The following TOX variants were observed in gnomAD, a reference collection of about 807,000 sequenced individuals.
The protein encoded by TOX is thymocyte selection-associated high mobility group box protein TOX.
A neutral mutation model predicts 53.7 loss-of-function variants in TOX; 11 were observed. The ratio of observed to expected loss-of-function variants is 0.20; its 90% CI spans 0.13 to 0.34. The LOEUF (loss-of-function observed/expected upper bound fraction) is 0.34, where lower values mean the gene tolerates loss of function less well. TOX is among the 10% of genes least tolerant of loss of function. The pLI is 1.00. For missense variants in TOX, 570 were observed against 664.6 expected, an observed-to-expected ratio of 0.86 and a Z score of 1.56; for synonymous variants, 225 against 245.3, an observed-to-expected ratio of 0.92 and a Z score of 0.77.
intron 6 of TOX, among the ~76,000 whole-genome samples, chr8:58,817,599 T>C (rs1585841371): frequency 1.3e-5 from 2 of 152,318 alleles, no homozygotes; most frequent in African/African-American, 4.8e-5. Context: ...AGATTATGTG[T>C]TAAGTCTGTG....
chr8:59,005,973 G>A (rs767604110), intron 1 of TOX, among the ~76,000 whole-genome samples: 23 of 152,244 alleles, frequency 1.5e-4, no homozygotes, highest in Middle Eastern at 3.4e-3. Context: ...TTTTACGCAC[G>A]GCCCTTGGCT....
chr8:58,888,875 T>C (rs572218285), intron 3 of TOX, among the ~76,000 whole-genome samples: 1 of 152,100 alleles, frequency 6.6e-6, no homozygotes, highest in South Asian at 2.1e-4. Context: ...TCAAATTGTA[T>C]CCATACCTCC....
At chr8:59,013,109 A>G (rs1813940169) in intron 1 of TOX, among the ~76,000 whole-genome samples, 1 of 152,134 alleles carries the variant, frequency 6.6e-6, no homozygotes. Context: ...TTGGCAGAGC[A>G]ATGTTTTCTC....
chr8:58,977,101 A>G (rs919326062), intron 1 of TOX, among the ~76,000 whole-genome samples: 2 of 152,218 alleles, frequency 1.3e-5, no homozygotes, highest in African/African-American at 4.8e-5. Context: ...TCTTCTTCCA[A>G]TAAAAGGTAG....
chr8:59,016,764 G>A (rs1157747521), intron 1 of TOX, among the ~76,000 whole-genome samples: 2 of 152,168 alleles, frequency 1.3e-5, no homozygotes, highest in Non-Finnish European at 2.9e-5. Flanking sequence ...GGCCATTTAA[G>A]CTTATGTAAC....
chr8:58,992,640 A>G (rs1813477363), intron 1 of TOX, among the ~76,000 whole-genome samples: 1 of 152,208 alleles, frequency 6.6e-6, no homozygotes. Flanking sequence ...AAAAAAATAC[A>G]CCATATCTTA....
intron 2 of TOX, among the ~76,000 whole-genome samples, chr8:58,957,177 T>G (rs1812723971): frequency 6.6e-6 from 1 of 152,170 alleles, no homozygotes; most frequent in Admixed American, 6.5e-5. Context: ...TAGCCAGGGT[T>G]TGGAAACACA....
chr8:59,059,004 T>C (rs903861899), intron 1 of TOX, among the ~76,000 whole-genome samples: 1 of 152,154 alleles, frequency 6.6e-6, no homozygotes, highest in African/African-American at 2.4e-5. Flanking sequence ...CTTTCTAGAA[T>C]GTAGGAGGCA....
chr8:58,849,019 C>A (rs1266700712), intron 4 of TOX, among the ~76,000 whole-genome samples: 1 of 152,100 alleles, frequency 6.6e-6, no homozygotes, highest in Non-Finnish European at 1.5e-5. Context: ...TGTTGCACTA[C>A]AACATTCCAC....
intron 1 of TOX, among the ~76,000 whole-genome samples, chr8:58,962,306 G>A (rs1023457227): frequency 2.0e-5 from 3 of 152,046 alleles, no homozygotes; most frequent in Non-Finnish European, 2.9e-5. Flanking sequence ...TGTGGCTATC[G>A]GCATTATAAC....
At chr8:59,037,204 C>T (rs1406694333) in intron 1 of TOX, among the ~76,000 whole-genome samples, 2 of 151,308 alleles carry the variant, frequency 1.3e-5, no homozygotes, top group Non-Finnish European at 2.9e-5. Context: ...TTATCTTGGC[C>T]CTCTCTGTTT....
At chr8:58,853,671 T>C (rs1161946675) in intron 3 of TOX, among the ~76,000 whole-genome samples, 1 of 152,204 alleles carries the variant, frequency 6.6e-6, no homozygotes, top group Non-Finnish European at 1.5e-5. Flanking sequence ...TTAAAGATAC[T>C]TAAAAATGCA....
intron 1 of TOX, among the ~76,000 whole-genome samples, chr8:58,997,624 C>G (rs867481379): frequency 1.5e-4 from 23 of 152,178 alleles, no homozygotes; most frequent in Admixed American, 1.5e-3. Context: ...TTGACAAAAT[C>G]TTGCTGGGCA....
chr8:59,087,071 T>C (rs1804524501), intron 1 of TOX, among the ~76,000 whole-genome samples: 1 of 152,226 alleles, frequency 6.6e-6, no homozygotes, highest in South Asian at 2.1e-4. Context: ...AAACAGACTT[T>C]GTCAAACTCA....
chr8:58,863,931 T>A (rs1361154182), intron 3 of TOX, among the ~76,000 whole-genome samples: 1 of 151,920 alleles, frequency 6.6e-6, no homozygotes, highest in Non-Finnish European at 1.5e-5. Flanking sequence ...CAACAAGGAG[T>A]CTGTCTGCAT....
chr8:58,865,096 G>T (rs1323122896), intron 3 of TOX, among the ~76,000 whole-genome samples: 1 of 152,144 alleles, frequency 6.6e-6, no homozygotes, highest in African/African-American at 2.4e-5. Flanking sequence ...ACTGAGGAAG[G>T]TGGTGGATGG....
chr8:59,044,063 T>C (rs1803642634), intron 1 of TOX, among the ~76,000 whole-genome samples: 1 of 152,184 alleles, frequency 6.6e-6, no homozygotes, highest in South Asian at 2.1e-4. Context: ...GCTATTTCTC[T>C]GAGCCAGCTC....
chr8:58,998,523 ATATATATAT>A (rs1483855343), intron 1 of TOX, among the ~76,000 whole-genome samples: 2 of 45,048 alleles, frequency 4.4e-5, no homozygotes, highest in Admixed American at 3.0e-4. Flanking sequence ...ATATATATAT[ATATATATAT>A]ATATATAAAT....
chr8:58,914,147 G>A (rs181263038), intron 3 of TOX, among the ~76,000 whole-genome samples: 1 of 152,328 alleles, frequency 6.6e-6, no homozygotes, highest in East Asian at 1.9e-4. Flanking sequence ...CCTTTATCCA[G>A]AAGCAGTGAA....
Sources: gnomAD v4.1 joint callset for allele counts (sites outside exome capture counted in the v4.1 genomes callset) on GRCh38, gnomAD v4.1.1 for gene constraint, MANE v1.5 for transcripts, NCBI Gene and HGNC (gene_info 2026-07-23, HGNC 2026-07-21) for gene names.